Variants in THSD7B observed in about 807,000 individuals in gnomAD.
THSD7B encodes the protein thrombospondin type-1 domain-containing protein 7B.
THSD7B carries 138 observed loss-of-function variants against 213.6 expected under a neutral mutation model. That is an observed-to-expected ratio of 0.65 (90% CI 0.56 to 0.74). The LOEUF (loss-of-function observed/expected upper bound fraction) is 0.74. THSD7B is among the 30% of genes least tolerant of loss of function. The pLI is 0.00. For missense variants in THSD7B, 1,931 were observed against 1,991.5 expected (o/e 0.97, Z 0.58); for synonymous variants, 742 against 687.0 (o/e 1.08, Z -1.25).
At chr2:136,824,661 A>G (rs1372033311) in intron 1 of THSD7B, among the ~76,000 whole-genome samples, 1 of 152,206 alleles carries the variant, frequency 6.6e-6, no homozygotes, top group African/African-American at 2.4e-5. Flanking sequence ...GGATGTGGAA[A>G]CTTTTAATAC....
Position 137,405,642 on chromosome 2 carries a change from T to C in THSD7B, c.2530T>C (p.Ser844Pro). 1 of 1,610,158 alleles carries C rather than the reference T, an allele frequency of 6.2e-7. No individual in the cohort carries two copies. ...CTCATGCATCTCTGATGACAACCGGTCAGCAGAAATGATGGAATGCCTCAA... is the reference window on the plus strand; with the variant it reads ...CTCATGCATCTCTGATGACAACCGGCCAGCAGAAATGATGGAATGCCTCAA... Reference protein sequence around the residue: ...AVSCISDDNRSAEMMECLKQT... With the variant: ...AVSCISDDNRPAEMMECLKQT... The change falls in exon 13 of 28, where the codon TCA (serine) becomes CCA (proline). Residue 844 changes from serine to proline, a missense_variant. Ser to Pro is a moderately conservative substitution (Grantham distance 74, BLOSUM62 -1). Coordinates refer to ENST00000409968, the MANE Select transcript of THSD7B (RefSeq NM_001316349.2).
At chr2:137,534,460 A>C (rs777258045) in intron 15 of THSD7B, among the ~76,000 whole-genome samples, 1 of 151,762 alleles carries the variant, frequency 6.6e-6, no homozygotes, top group East Asian at 1.9e-4. Context: ...AGGAGACAGC[A>C]AAATACAGGT....
intron 15 of THSD7B, among the ~76,000 whole-genome samples, chr2:137,544,705 T>C (rs1680675177): frequency 6.6e-6 from 1 of 151,890 alleles, no homozygotes; most frequent in Non-Finnish European, 1.5e-5. Flanking sequence ...TTTTCATCAA[T>C]ACCTTGTAGT....
intron 2 of THSD7B, among the ~76,000 whole-genome samples, chr2:137,027,724 ACTGGTATATTCTCAGGG>A (rs923734092): frequency 2.0e-5 from 3 of 152,166 alleles, no homozygotes; most frequent in Admixed American, 6.5e-5. Context: ...GTGTTTGTTC[ACTGGTATATTCTCAGGG>A]CACAGAACAG....
At chr2:136,889,854 C>G (rs917513413) in intron 2 of THSD7B, among the ~76,000 whole-genome samples, 2 of 152,160 alleles carry the variant, frequency 1.3e-5, no homozygotes, top group African/African-American at 2.4e-5. Flanking sequence ...GTTTCCTGTT[C>G]TGTTTCTCTT....
At chr2:137,363,855 A>G (rs1685334931) in intron 12 of THSD7B, among the ~76,000 whole-genome samples, 1 of 152,228 alleles carries the variant, frequency 6.6e-6, no homozygotes, top group Non-Finnish European at 1.5e-5. Context: ...ATTCCAATCA[A>G]TAGAAAAAGG....
intron 12 of THSD7B, among the ~76,000 whole-genome samples, chr2:137,310,250 G>A (rs1298089627): frequency 6.6e-6 from 1 of 151,836 alleles, no homozygotes; most frequent in African/African-American, 2.4e-5. Flanking sequence ...TTCTCTGATG[G>A]CCAGTGATGG....
intron 12 of THSD7B, among the ~76,000 whole-genome samples, chr2:137,326,973 G>A (rs1684386785): frequency 6.6e-6 from 1 of 152,144 alleles, no homozygotes; most frequent in Non-Finnish European, 1.5e-5. Context: ...TCTCTCTGTG[G>A]TCAATGCTGG....
chr2:137,122,492 G>A (rs1376178746), intron 5 of THSD7B, among the ~76,000 whole-genome samples: 1 of 152,148 alleles, frequency 6.6e-6, no homozygotes, highest in African/African-American at 2.4e-5. Flanking sequence ...CACTGAAGTG[G>A]AAAGGCAGAG....
At chr2:136,902,568 A>G (rs114818145) in intron 2 of THSD7B, among the ~76,000 whole-genome samples, 17 of 152,294 alleles carry the variant, frequency 1.1e-4, no homozygotes, top group Non-Finnish European at 2.1e-4. Context: ...CTTCTTCCAC[A>G]TGCGCCGAGG....
chr2:137,600,156 G>T (rs1311552725), intron 17 of THSD7B, among the ~76,000 whole-genome samples: 1 of 152,026 alleles, frequency 6.6e-6, no homozygotes, highest in Non-Finnish European at 1.5e-5. Context: ...AACATTTATT[G>T]TAGAAACCAG....
intron 1 of THSD7B, among the ~76,000 whole-genome samples, chr2:136,864,613 T>C (rs1042926055): frequency 7.9e-5 from 12 of 152,108 alleles, no homozygotes; most frequent in East Asian, 1.9e-4. Flanking sequence ...AGTGCAGTGG[T>C]GCGATCTCAG....
intron 20 of THSD7B, among the ~76,000 whole-genome samples, chr2:137,635,082 C>G (rs543799499): frequency 1.6e-4 from 25 of 152,130 alleles, no homozygotes; most frequent in African/African-American, 5.8e-4. Context: ...CCAGTATTCT[C>G]CAGGGAAAAA....
At chr2:136,841,887 TAAAG>T (rs898880011) in intron 1 of THSD7B, among the ~76,000 whole-genome samples, 9 of 152,112 alleles carry the variant, frequency 5.9e-5, no homozygotes, top group African/African-American at 1.9e-4. Context: ...ATTGTAAAAT[TAAAG>T]AAAAGAAAAC....
At chr2:137,262,369 A>C (rs1682471911) in intron 10 of THSD7B, among the ~76,000 whole-genome samples, 1 of 152,056 alleles carries the variant, frequency 6.6e-6, no homozygotes, top group Non-Finnish European at 1.5e-5. Flanking sequence ...CTTAATGCTG[A>C]CAGAATGCAA....
chr2:137,389,402 A>ACTTTTTTTTTTTTTTTTTTTTTTTT (rs1685967896), intron 12 of THSD7B, among the ~76,000 whole-genome samples: 1 of 38,052 alleles, frequency 2.6e-5, no homozygotes. Flanking sequence ...TCTTAATGTG[A>ACTTTTTTTTTTTTTTTTTTTTTTTT]TTTTTTTTTT....
chr2:137,414,361 A>G (rs1422320672), intron 14 of THSD7B, among the ~76,000 whole-genome samples: 1 of 152,094 alleles, frequency 6.6e-6, no homozygotes, highest in East Asian at 1.9e-4. Flanking sequence ...TATCAAAGAA[A>G]AAAAAATCTT....
At chr2:137,527,845 A>G (rs540837267) in intron 15 of THSD7B, among the ~76,000 whole-genome samples, 1 of 152,286 alleles carries the variant, frequency 6.6e-6, no homozygotes, top group African/African-American at 2.4e-5. Context: ...CCATTTTGCC[A>G]GGACCAGTGA....
At chr2:137,577,288 C>A (rs1188257876) in intron 17 of THSD7B, among the ~76,000 whole-genome samples, 2 of 152,072 alleles carry the variant, frequency 1.3e-5, no homozygotes, top group African/African-American at 4.8e-5. Context: ...TGAGGCACTG[C>A]AAGAAGGGTG....
Sources: gnomAD v4.1 joint callset for allele counts (sites outside exome capture counted in the v4.1 genomes callset) on GRCh38, gnomAD v4.1.1 for gene constraint, MANE v1.5 for transcripts, NCBI Gene and HGNC (gene_info 2026-07-23, HGNC 2026-07-21) for gene names.